Variants in NLGN4X observed in about 807,000 individuals in gnomAD.
The protein encoded by NLGN4X is neuroligin 4 X-linked.
In NLGN4X, 3 loss-of-function variants were observed where a neutral mutation model predicts 40.3. The ratio of observed to expected loss-of-function variants is 0.07; its 90% confidence interval spans 0.03 to 0.19. The LOEUF (loss-of-function observed/expected upper bound fraction) is 0.19. Among genes scored for constraint, NLGN4X ranks in the 10% least tolerant of loss-of-function variants. NLGN4X has a pLI of 1.00. For missense variants in NLGN4X, 382 were observed against 708.3 expected (o/e 0.54, Z 5.23); for synonymous variants, 270 against 306.8 (o/e 0.88, Z 1.25).
At chrX:6,032,496 G>C (rs1254296671) in intron 2 of NLGN4X, among the ~76,000 whole-genome samples, 2 of 104,396 alleles carry the variant, frequency 1.9e-5, no homozygotes, top group Non-Finnish European at 3.9e-5. Context: ...ACAGTGATTT[G>C]TTTCCTGTAC....
intron 1 of NLGN4X, among the ~76,000 whole-genome samples, chrX:6,182,814 C>A (rs1921608360): frequency 8.9e-6 from 1 of 111,824 alleles, no homozygotes; most frequent in African/African-American, 3.3e-5. Flanking sequence ...AAGGAAGGAG[C>A]CCTGCTGACA....
intron 1 of NLGN4X, chrX:6,226,881 T>A: frequency 8.1e-6 from 1 of 122,725 alleles, no homozygotes; most frequent in Non-Finnish European, 1.7e-5. Context: ...TCTCCCTACC[T>A]CATCCCCGCT....
intron 1 of NLGN4X, among the ~76,000 whole-genome samples, chrX:6,208,401 G>A (rs1229957452): frequency 8.9e-6 from 1 of 111,970 alleles, no homozygotes; most frequent in African/African-American, 3.2e-5. Context: ...TTCGGATAAC[G>A]TGCGTTATAT....
At chrX:5,965,303 G>A (rs1187313165) in intron 3 of NLGN4X, among the ~76,000 whole-genome samples, 2 of 111,934 alleles carry the variant, frequency 1.8e-5, no homozygotes, top group African/African-American at 6.5e-5. Context: ...GGCCCCACAT[G>A]AGACAAGAAG....
intron 2 of NLGN4X, among the ~76,000 whole-genome samples, chrX:6,034,047 T>A (rs936439637): frequency 8.9e-6 from 1 of 112,413 alleles, no homozygotes; most frequent in Non-Finnish European, 1.9e-5. Context: ...CTTAAACATA[T>A]TTTGAAACCA....
intron 1 of NLGN4X, among the ~76,000 whole-genome samples, chrX:6,186,419 T>C (rs1341107415): frequency 8.9e-6 from 1 of 112,477 alleles, no homozygotes; most frequent in Non-Finnish European, 1.9e-5. Context: ...CTCATTTTTA[T>C]CCTCCAGAGA....
intron 3 of NLGN4X, among the ~76,000 whole-genome samples, chrX:6,017,600 C>T (rs1299662847): frequency 9.0e-6 from 1 of 111,654 alleles, no homozygotes; most frequent in Non-Finnish European, 1.9e-5. Flanking sequence ...CAGACATTCC[C>T]GGACTTACAA....
intron 1 of NLGN4X, among the ~76,000 whole-genome samples, chrX:6,219,382 C>T (rs1023305468): frequency 1.2e-5 from 1 of 84,339 alleles, no homozygotes; most frequent in Admixed American, 1.5e-4. Flanking sequence ...TCTTTCTTTC[C>T]TTCCTTCTTT....
intron 3 of NLGN4X, among the ~76,000 whole-genome samples, chrX:6,000,470 G>A (rs1444107076): frequency 8.1e-5 from 9 of 111,307 alleles, no homozygotes; most frequent in African/African-American, 2.6e-4. Flanking sequence ...GCCCCTGCTG[G>A]TCAGCAGCTG....
In NLGN4X at chrX:5,935,038, T is replaced by C. The variant is rs192109526; in HGVS notation, c.626-25799A>G. 3.6e-5 allele frequency among the ~76,000 whole-genome samples: 4 copies of C among 112,131 alleles called. No homozygotes were observed. In the East Asian group the frequency reaches 8.5e-4, roughly 24 times the overall value. The stretch of plus-strand genomic sequence containing the variant: ...TCTTACTCTTTCTACACAGCTACTA[T>C]TAGTCGATGCTAAAACCAGGGAAGC... On this transcript the variant is annotated intron_variant, in intron 3 of 5. Coordinates refer to ENST00000381095, the MANE Select transcript of NLGN4X (RefSeq NM_181332.3).
At chrX:6,128,645 C>G (rs1296159348) in intron 2 of NLGN4X, among the ~76,000 whole-genome samples, 1 of 111,251 alleles carries the variant, frequency 9.0e-6, no homozygotes, top group African/African-American at 3.3e-5. Flanking sequence ...AATATGGGAA[C>G]ACTCCACACT....
At chrX:6,060,327 C>T (rs982063915) in intron 2 of NLGN4X, among the ~76,000 whole-genome samples, 6 of 111,512 alleles carry the variant, frequency 5.4e-5, no homozygotes, top group African/African-American at 2.0e-4. Context: ...CATAGCAGAT[C>T]CACGATCCTT....
chrX:5,903,262 G>A lies in NLGN4X; in HGVS notation c.1416C>T (p.Phe472=), dbSNP rs770696590. 13 of 1,210,343 alleles carry A rather than the reference G, an allele frequency of 1.1e-5. No individual in the cohort carries two copies. The highest frequency in any genetic ancestry group is 1.8e-5 in the South Asian group (1 of 56,825). The change falls in exon 5 of 6, where the codon TTC becomes TTT. Residue 472 remains phenylalanine (F), a synonymous_variant. Transcript: ENST00000381095. ...QYGSPTYFYA[F]YHHCQSEMKP... ...TCATTTCGCTTTGGCAGTGATGATA[G>A]AAGGCATAGAAGTAGGTGGGGGAGC...
chrX:6,137,548 C>T (rs1029666370), intron 2 of NLGN4X, among the ~76,000 whole-genome samples: 13 of 111,658 alleles, frequency 1.2e-4, no homozygotes, highest in African/African-American at 4.2e-4. Flanking sequence ...CTAACCTATG[C>T]TCTGCAGTCT....
chrX:5,913,776 C>T (rs991632672), intron 3 of NLGN4X, among the ~76,000 whole-genome samples: 1 of 112,049 alleles, frequency 8.9e-6, no homozygotes, highest in Non-Finnish European at 1.9e-5. Flanking sequence ...CAAATCTCAT[C>T]TTGAACTGTA....
rs770890880 is a variant in NLGN4X, at chrX:5,892,973, G to C, written c.2295C>G (p.Arg765=). The change falls in exon 6 of 6, where the codon CGC becomes CGG. Residue 765 remains arginine, a synonymous_variant. Transcript: ENST00000381095. ...TAAGTGGGATGTCATCTGGCGACCG[G>C]CGCAGCGTGAGGGTGTAGTCTGGCG... ...TCPPDYTLTL[R]RSPDDIPLMT... is the part of the protein sequence containing the mutation. 79 of 1,209,453 alleles carry C rather than the reference G, an allele frequency of 6.5e-5. No homozygotes were observed. The African/African-American group carries it at 1.4e-3, about 21-fold the overall frequency.
At chrX:5,956,900 A>G (rs182226593) in intron 3 of NLGN4X, among the ~76,000 whole-genome samples, 2 of 111,767 alleles carry the variant, frequency 1.8e-5, no homozygotes. Context: ...CAGTTTTACA[A>G]TCTGATTATT....
At chrX:6,098,767 C>T (rs2038840241) in intron 2 of NLGN4X, among the ~76,000 whole-genome samples, 1 of 111,540 alleles carries the variant, frequency 9.0e-6, no homozygotes, top group Non-Finnish European at 1.9e-5. Context: ...CTCACCAAGA[C>T]CTTCTTACCC....
At chrX:6,197,443 G>GTTTTTTTTTTTTTTTTTTTTTT (rs1602407338) in intron 1 of NLGN4X, among the ~76,000 whole-genome samples, 3 of 82,594 alleles carry the variant, frequency 3.6e-5, no homozygotes, top group Non-Finnish European at 7.1e-5. Flanking sequence ...TTTTTTTTTT[G>GTTTTTTTTTTTTTTTTTTTTTT]TATTTTTTAT....
Sources: gnomAD v4.1 joint callset for allele counts (sites outside exome capture counted in the v4.1 genomes callset) on GRCh38, gnomAD v4.1.1 for gene constraint, MANE v1.5 for transcripts, NCBI Gene and HGNC (gene_info 2026-07-23, HGNC 2026-07-21) for gene names.